IQSEC1: variants seen among roughly 807,000 people sequenced by gnomAD.
IQSEC1 encodes IQ motif and Sec7 domain ArfGEF 1.
In IQSEC1, 31 loss-of-function variants were observed where a neutral mutation model predicts 91.0. That is an observed-to-expected ratio of 0.34 (90% confidence interval 0.26 to 0.46). The LOEUF (loss-of-function observed/expected upper bound fraction) is 0.46, where lower values mean the gene tolerates loss of function less well. Among genes scored for constraint, IQSEC1 ranks in the 20% least tolerant of loss-of-function variants. The pLI, the probability that IQSEC1 is intolerant of heterozygous loss-of-function variation, is 1.00. For synonymous variants in IQSEC1, 699 were observed against 662.6 expected, an observed-to-expected ratio of 1.05 and a Z score of -0.84; for missense variants, 1,388 against 1,575.6, an observed-to-expected ratio of 0.88 and a Z score of 2.02.
chr3:12,976,103 G>C (rs754905505), intron 1 of IQSEC1, among the ~76,000 whole-genome samples: 1 of 152,208 alleles, frequency 6.6e-6, no homozygotes, highest in Non-Finnish European at 1.5e-5. Context: ...GAGCCATCCG[G>C]TGCTGGGCCT....
intron 2 of IQSEC1, among the ~76,000 whole-genome samples, chr3:13,100,442 C>T (rs1706036997): frequency 6.7e-6 from 1 of 148,674 alleles, no homozygotes; most frequent in Non-Finnish European, 1.5e-5. Context: ...GGTTGGCACC[C>T]CAGGGTGGGG....
rs189856888 is a variant in IQSEC1 at position 12,968,651 on chromosome 3, C to T, written c.24-26786G>A. ...TATGTTTACTTGTTTATTATCTGTC[C>T]TTGGGCTCCATGAAGGCAGATACAG... On this transcript the variant is annotated intron_variant, in intron 1 of 13. Transcript: ENST00000613206. Among the ~76,000 whole-genome samples, 198 of 152,286 alleles carry T rather than the reference C, an allele frequency of 1.3e-3. 2 individuals carry two copies. Among genetic ancestry groups the T allele is most frequent in the African/African-American group, 4.5e-3 (186 of 41,560 alleles).
At chr3:13,003,208 C>T (rs1311410141) in intron 1 of IQSEC1, among the ~76,000 whole-genome samples, 1 of 127,088 alleles carries the variant, frequency 7.9e-6, no homozygotes, top group Non-Finnish European at 1.6e-5. Context: ...GAGGCTGAGG[C>T]GGGAGTGTCA....
At chr3:13,272,231 T>G (rs918922864) in intron 1 of IQSEC1, among the ~76,000 whole-genome samples, 1 of 152,126 alleles carries the variant, frequency 6.6e-6, no homozygotes, top group Non-Finnish European at 1.5e-5. Context: ...TTCCCCCATA[T>G]ATACCATGGA....
At chr3:12,920,391 A>C in intron 6 of IQSEC1, 39 bp downstream of exon 6, 4 of 1,605,626 alleles carry the variant, frequency 2.5e-6, no homozygotes, top group Non-Finnish European at 3.4e-6. Context: ...CAGGTGCTGG[A>C]GCAAATCTGT....
chr3:12,967,676 C>A lies in IQSEC1; in HGVS notation c.24-25811G>T. ...CAGGCCAGCCAAGCCCGCCCCTCCG[C>A]CGCCGCCCGCTTGGCGCAGCGCGAG... is the stretch of plus-strand genomic sequence containing the variant. On this transcript the variant is annotated intron_variant, in intron 1 of 13. Transcript: ENST00000613206. This position sits in a 1 kb window ranked among gnomAD's most constrained non-coding sequence, Gnocchi z 5.9. The A allele has an allele frequency of 8.6e-7, 1 of 1,169,506 alleles. No homozygotes were observed. The highest frequency in any genetic ancestry group is 1.6e-5 in the African/African-American group (1 of 62,092). The allele number at this position is 1,169,506 out of a possible 1,614,324, so 72.4% of individuals were successfully genotyped here.
chr3:13,058,422 G>A (rs992281232), intron 1 of IQSEC1, among the ~76,000 whole-genome samples: 1 of 152,248 alleles, frequency 6.6e-6, no homozygotes, highest in African/African-American at 2.4e-5. Context: ...TGTGTGCCTG[G>A]TATATGACCT....
intron 1 of IQSEC1, among the ~76,000 whole-genome samples, chr3:12,998,332 C>G (rs1702297126): frequency 6.6e-6 from 1 of 152,038 alleles, no homozygotes. Context: ...GCCTGGGTGA[C>G]AGAGTGAGAC....
intron 6 of IQSEC1, among the ~76,000 whole-genome samples, chr3:12,919,834 GTTCCT>G (rs1474040313): frequency 6.6e-6 from 1 of 152,146 alleles, no homozygotes; most frequent in Non-Finnish European, 1.5e-5. Flanking sequence ...CGGCCTTTTA[GTTCCT>G]TTCCTGTTTC....
chr3:13,072,320 T>A (rs1705459294), intron 1 of IQSEC1, among the ~76,000 whole-genome samples: 1 of 152,214 alleles, frequency 6.6e-6, no homozygotes, highest in African/African-American at 2.4e-5. Flanking sequence ...GAAGCTGGCA[T>A]TCGAACCCCA....
chr3:13,144,550 G>A (rs1230875708), intron 2 of IQSEC1, among the ~76,000 whole-genome samples: 1 of 152,216 alleles, frequency 6.6e-6, no homozygotes, highest in Non-Finnish European at 1.5e-5. Flanking sequence ...CACAGGGGAA[G>A]CCCTGGGGAC....
intron 5 of IQSEC1, among the ~76,000 whole-genome samples, chr3:12,921,583 G>A (rs370771315): frequency 1.3e-5 from 2 of 152,380 alleles, no homozygotes; most frequent in East Asian, 3.9e-4. Flanking sequence ...TCTAGGGTAT[G>A]TGCTACTGTT....
chr3:12,922,279 T>C lies in IQSEC1; in HGVS notation c.1731-37A>G. ...ACAGACAGCCCCGCATAAGCACCCCTTGCAGGTGCGACACGCCCAGCCCAC... is the reference window on the plus strand; with the variant it reads ...ACAGACAGCCCCGCATAAGCACCCCCTGCAGGTGCGACACGCCCAGCCCAC... On this transcript the variant is annotated intron_variant, in intron 4 of 13. Transcript: ENST00000613206. This position sits in a 1 kb window ranked among gnomAD's most constrained non-coding sequence, Gnocchi z 5.1. 6.6e-7 allele frequency: 1 copy of C among 1,509,286 alleles called. No individual in the cohort carries two copies. The highest frequency in any genetic ancestry group is 9.0e-7 in the Non-Finnish European group (1 of 1,116,110). The allele number at this position is 1,509,286 out of a possible 1,614,324, so 93.5% of individuals were successfully genotyped here.
chr3:13,129,272 G>T (rs1041344100), intron 2 of IQSEC1, among the ~76,000 whole-genome samples: 2 of 152,126 alleles, frequency 1.3e-5, no homozygotes, highest in African/African-American at 2.4e-5. Flanking sequence ...GCATAAAGTT[G>T]TTCATAATAC....
At chr3:13,097,150 G>A (rs549456146) in intron 2 of IQSEC1, among the ~76,000 whole-genome samples, 96 of 152,282 alleles carry the variant, frequency 6.3e-4, no homozygotes, top group African/African-American at 2.2e-3. Flanking sequence ...ATGAGCCACC[G>A]CGCCCGGCCT....
intron 2 of IQSEC1, among the ~76,000 whole-genome samples, chr3:13,120,123 G>A (rs935147425): frequency 2.0e-5 from 3 of 152,168 alleles, no homozygotes; most frequent in Admixed American, 6.5e-5. Flanking sequence ...TGCTGCCAGC[G>A]GCTCCCTCCC....
chr3:13,260,944 G>A (rs1695375307), intron 1 of IQSEC1, among the ~76,000 whole-genome samples: 1 of 152,218 alleles, frequency 6.6e-6, no homozygotes, highest in South Asian at 2.1e-4. Flanking sequence ...CCCCACAGCA[G>A]AGACTGGTGG....
intron 1 of IQSEC1, among the ~76,000 whole-genome samples, chr3:13,028,112 C>T (rs1207045673): frequency 2.6e-5 from 4 of 152,172 alleles, no homozygotes; most frequent in Non-Finnish European, 5.9e-5. Flanking sequence ...CTGATAATCC[C>T]AGACTGGAAG....
intron 1 of IQSEC1, among the ~76,000 whole-genome samples, chr3:13,038,696 G>A (rs545050206): frequency 2.8e-4 from 42 of 152,180 alleles, no homozygotes; most frequent in Non-Finnish European, 5.9e-4. Flanking sequence ...TGCTTGAGGG[G>A]ATGGATACCC....
Sources: allele counts gnomAD v4.1 joint callset (sites outside exome capture counted in the v4.1 genomes callset), GRCh38; gene constraint gnomAD v4.1.1; non-coding constraint Gnocchi (gnomAD v3.1); transcripts MANE v1.5; gene names NCBI Gene and HGNC (gene_info 2026-07-23, HGNC 2026-07-21).